The following GULP1 variants were observed in gnomAD, a reference collection of about 807,000 sequenced individuals.
The protein encoded by GULP1 is GULP PTB domain containing engulfment adaptor 1.
A neutral mutation model predicts 40.9 loss-of-function variants in GULP1; 19 were observed. The ratio of observed to expected loss-of-function variants is 0.46; its 90% CI spans 0.32 to 0.68. The LOEUF (loss-of-function observed/expected upper bound fraction) is 0.68. Ranked by LOEUF, GULP1 falls within the 30% of genes least tolerant of loss-of-function variation. The pLI, the probability that GULP1 is intolerant of heterozygous loss-of-function variation, is 0.03. For synonymous variants in GULP1, 119 were observed against 117.6 expected, an observed-to-expected ratio of 1.01 and a Z score of -0.08; for missense variants, 312 against 362.2, an observed-to-expected ratio of 0.86 and a Z score of 1.12.
intron 3 of GULP1, 64 bp from the exon 4 acceptor site, chr2:188,483,367 T>A (rs1179671115): frequency 1.4e-6 from 1 of 726,860 alleles, no homozygotes; most frequent in African/African-American, 1.8e-5. Flanking sequence ...ACCATACAAA[T>A]GGTAATGCGT....
At chr2:188,555,113 T>A (rs1045285518) in intron 7 of GULP1, among the ~76,000 whole-genome samples, 3 of 152,156 alleles carry the variant, frequency 2.0e-5, no homozygotes, top group Non-Finnish European at 4.4e-5. Flanking sequence ...TATATATTTA[T>A]GTAGAAAACT....
In GULP1 at chr2:188,570,091, C is replaced by T; in HGVS notation, c.580C>T (p.Leu194=). The T allele has an allele frequency of 6.8e-7, 1 of 1,460,664 alleles. No homozygotes were observed. Among genetic ancestry groups the T allele is most frequent in the Non-Finnish European group, 9.5e-7 (1 of 1,054,344 alleles). The allele number at this position is 1,460,664 out of a possible 1,614,324, so 90.5% of individuals were successfully genotyped here. A position where few individuals can be genotyped will look rare whatever the true frequency, so the allele number is the denominator to read the frequency against. Residue 194 remains leucine, a synonymous_variant, in exon 9 of 12, where the codon CTG becomes TTG. Transcript: ENST00000409830. ...KNKVQDLENQ[L]RITQVSAPPA... is the part of the protein sequence containing the mutation. ...TAAAGTACAAGATTTGGAAAACCAACTGAGAATAACTCAAGTATCAGCACC... is the reference window on the plus strand; with the variant it reads ...TAAAGTACAAGATTTGGAAAACCAATTGAGAATAACTCAAGTATCAGCACC...
At chr2:188,429,851 C>T (rs1023378359) in intron 2 of GULP1, among the ~76,000 whole-genome samples, 9 of 151,616 alleles carry the variant, frequency 5.9e-5, no homozygotes, top group African/African-American at 1.2e-4. Context: ...GCTGGGACTA[C>T]GGGCACCTGC....
intron 2 of GULP1, among the ~76,000 whole-genome samples, chr2:188,385,417 A>G (rs2049573714): frequency 6.6e-6 from 1 of 152,080 alleles, no homozygotes; most frequent in Non-Finnish European, 1.5e-5. Flanking sequence ...ACCCTGGGCC[A>G]GGAAATCATT....
In GULP1 at chr2:188,410,624, G is replaced by A. The variant is rs186372254; in HGVS notation, c.-45+26735G>A. Among the ~76,000 whole-genome samples, 88 of 152,240 alleles carry A rather than the reference G, an allele frequency of 5.8e-4. No homozygotes were observed. The Middle Eastern group carries it at 0.031, about 53-fold the overall frequency. ...CCTCATGACTAATCATGAGGAAAAT[G>A]CAAATTAAAACCACAATGAGCTATC... is the stretch of plus-strand genomic sequence containing the variant. On this transcript the variant is annotated intron_variant, in intron 2 of 11. Transcript: ENST00000409830.
chr2:188,419,364 G>A (rs2152757327), intron 2 of GULP1, among the ~76,000 whole-genome samples: 1 of 152,132 alleles, frequency 6.6e-6, no homozygotes, highest in Middle Eastern at 3.4e-3. Context: ...GTCAATACCT[G>A]TTGCCTTTTG....
intron 6 of GULP1, among the ~76,000 whole-genome samples, chr2:188,534,839 TCTCCCAACCTAAAC>T (rs1227715213): frequency 6.6e-6 from 1 of 151,954 alleles, no homozygotes; most frequent in Non-Finnish European, 1.5e-5. Flanking sequence ...TCTGCATGCT[TCTCCCAACCTAAAC>T]CTCCTTTACA....
chr2:188,336,473 G>A (rs2042268351), intron 1 of GULP1, among the ~76,000 whole-genome samples: 1 of 152,140 alleles, frequency 6.6e-6, no homozygotes, highest in Non-Finnish European at 1.5e-5. Flanking sequence ...GGACAGACAA[G>A]ATCCCTAATC....
At chr2:188,362,848 C>T (rs1452988237) in intron 1 of GULP1, among the ~76,000 whole-genome samples, 2 of 151,964 alleles carry the variant, frequency 1.3e-5, no homozygotes, top group African/African-American at 4.8e-5. Flanking sequence ...AGTGGCTTTT[C>T]CCACCAAATG....
intron 4 of GULP1, among the ~76,000 whole-genome samples, chr2:188,497,799 G>GA (rs2063046965): frequency 1.3e-5 from 2 of 151,882 alleles, no homozygotes; most frequent in East Asian, 3.9e-4. Context: ...TAAAGGCAAA[G>GA]AAAATGTTAT....
Position 188,584,340 on chromosome 2 carries a change from T to C in GULP1, c.685T>C (p.Ser229Pro). The change falls in exon 10 of 12, where the codon TCT becomes CCT. Residue 229 changes from serine (S) to proline (P), a missense_variant. By Grantham distance (74) the Ser-to-Pro change is moderately conservative. Transcript: ENST00000409830. ...TCCATTTTCTCCAATATCACACCAG[T>C]CTTCGATGCCTACTCGCAATGGCAC... ...MIPFSPISHQ[S>P]SMPTRNGTQP... 1.2e-6 allele frequency: 2 copies of C among 1,605,858 alleles called. No homozygotes were observed. Among genetic ancestry groups the C allele is most frequent in the East Asian group, 4.5e-5 (2 of 44,770 alleles).
intron 1 of GULP1, among the ~76,000 whole-genome samples, chr2:188,334,178 C>G (rs2152078858): frequency 6.6e-6 from 1 of 152,274 alleles, no homozygotes; most frequent in South Asian, 2.1e-4. Context: ...ATTACATGCT[C>G]TTTTGCCTGT....
At chr2:188,470,060 A>G (rs1283395064) in intron 2 of GULP1, among the ~76,000 whole-genome samples, 1 of 152,110 alleles carries the variant, frequency 6.6e-6, no homozygotes, top group East Asian at 1.9e-4. Flanking sequence ...GAGTCAAGGT[A>G]ATACTGGCCT....
intron 2 of GULP1, among the ~76,000 whole-genome samples, chr2:188,415,714 A>G (rs893579156): frequency 6.6e-6 from 1 of 152,150 alleles, no homozygotes; most frequent in Non-Finnish European, 1.5e-5. Flanking sequence ...ATCTTTTTCC[A>G]TTATAGGATT....
chr2:188,327,158 G>A (rs1372005723), intron 1 of GULP1, among the ~76,000 whole-genome samples: 1 of 152,090 alleles, frequency 6.6e-6, no homozygotes, highest in African/African-American at 2.4e-5. Context: ...TTTTATCTGA[G>A]GCCTCTGTGT....
intron 1 of GULP1, among the ~76,000 whole-genome samples, chr2:188,336,996 G>T (rs1171688845): frequency 6.6e-6 from 1 of 152,130 alleles, no homozygotes; most frequent in African/African-American, 2.4e-5. Flanking sequence ...TTCCAACTCT[G>T]TGATACCTTT....
At chr2:188,335,208 T>C (rs180761054) in intron 1 of GULP1, among the ~76,000 whole-genome samples, 46 of 152,320 alleles carry the variant, frequency 3.0e-4, no homozygotes, top group African/African-American at 1.1e-3. Context: ...TTATTTCTCT[T>C]TTCTGGGGAA....
At chr2:188,450,196 T>C (rs938907668) in intron 2 of GULP1, among the ~76,000 whole-genome samples, 1 of 152,184 alleles carries the variant, frequency 6.6e-6, no homozygotes, top group African/African-American at 2.4e-5. Flanking sequence ...TGCCAGGTCA[T>C]TTAGGCTTTA....
At chr2:188,461,287 A>G (rs957277850) in intron 2 of GULP1, among the ~76,000 whole-genome samples, 2 of 143,680 alleles carry the variant, frequency 1.4e-5, no homozygotes, top group African/African-American at 5.2e-5. Flanking sequence ...CAGTGAAGCC[A>G]TTGGGTCCTG....
Sources: allele counts gnomAD v4.1 joint callset (sites outside exome capture counted in the v4.1 genomes callset), GRCh38; gene constraint gnomAD v4.1.1; transcripts MANE v1.5; gene names NCBI Gene and HGNC (gene_info 2026-07-23, HGNC 2026-07-21).